STRIP1: variants seen among roughly 807,000 people sequenced by gnomAD.
The protein encoded by STRIP1 is striatin-interacting protein 1.
In STRIP1, 63 loss-of-function variants were observed where a neutral mutation model predicts 106.2. The ratio of observed to expected loss-of-function variants is 0.59; its 90% confidence interval spans 0.48 to 0.73. The LOEUF is 0.73. STRIP1 is among the 30% of genes least tolerant of loss of function. The pLI is 0.00. For missense variants in STRIP1, 857 were observed against 1,074.8 expected, an observed-to-expected ratio of 0.80 and a Z score of 2.83; for synonymous variants, 390 against 413.0, an observed-to-expected ratio of 0.94 and a Z score of 0.67.
intron 15 of STRIP1, among the ~76,000 whole-genome samples, chr1:110,048,694 A>C (rs1353259678): frequency 6.6e-6 from 1 of 152,238 alleles, no homozygotes; most frequent in Non-Finnish European, 1.5e-5. Context: ...GAATTAAGAA[A>C]CCAATGTAAC....
At position 110,034,666 on chromosome 1, in the gene STRIP1, C is replaced by T. The variant is rs1182579516; in HGVS notation, c.29C>T (p.Pro10Leu). 2 of 1,523,494 alleles carry T rather than the reference C, an allele frequency of 1.3e-6. No homozygotes were observed. The allele number at this position is 1,523,494 out of a possible 1,614,324, so 94.4% of individuals were successfully genotyped here. Residue 10 changes from proline to leucine, a missense_variant, in exon 1 of 21, where the codon CCA becomes CTA. By Grantham distance (98) the Pro-to-Leu change is moderately conservative. Coordinates refer to ENST00000369795, the MANE Select transcript of STRIP1 (RefSeq NM_033088.4). ...GAGCCGGCAGTCGGCGGTCCGGGCC[C>T]ACTGATCGTGAACAACAAACAGCCC... MEPAVGGPG[P>L]LIVNNKQPQP...
chr1:110,051,790 C>G lies in STRIP1; in HGVS notation c.2169C>G (p.Tyr723Ter). The G allele has an allele frequency of 6.2e-7, 1 of 1,613,896 alleles. No individual in the cohort carries two copies. Among genetic ancestry groups the G allele is most frequent in the East Asian group, 2.2e-5 (1 of 44,880 alleles). The change falls in exon 20 of 21, where the codon TAC (tyrosine) becomes TAG (stop). Residue 723 changes from tyrosine (Y) to a stop codon, truncating the protein, a stop_gained. Transcript: ENST00000369795. LOFTEE classifies it high-confidence loss of function. ...VLKLLKVQTK[Y>*]LGRQWRKSNM... The stretch of plus-strand genomic sequence containing the variant: ...AGCTGCTCAAGGTACAGACCAAATA[C>G]TTGGGGCGGCAGTGGCGAAAGAGCA...
Position 110,050,366 on chromosome 1 carries a change from A to G in STRIP1, c.1913A>G (p.His638Arg). The G allele has an allele frequency of 1.2e-6, 2 of 1,614,056 alleles. No individual in the cohort carries two copies. The highest frequency in any genetic ancestry group is 1.7e-6 in the Non-Finnish European group (2 of 1,179,988). ...AGCATTTCTGTCCTGGATTACCCTC[A>G]CTGCGTGGTGCATGAGCTGCCAGAG... ...KNSISVLDYP[H>R]CVVHELPELT... Residue 638 changes from histidine to arginine, a missense_variant, in exon 18 of 21, where the codon CAC becomes CGC. Transcript: ENST00000369795.
At chr1:110,041,709 C>A in intron 7 of STRIP1, 25 bp from the exon 8 acceptor site, 1 of 1,614,094 alleles carries the variant, frequency 6.2e-7, no homozygotes, top group South Asian at 1.1e-5. Context: ...TTGGGAGGGT[C>A]CTGATACCTT....
At position 110,045,169 on chromosome 1, in the gene STRIP1, T is replaced by C. The variant is rs1211812559; in HGVS notation, c.1416+91T>C. The C allele has an allele frequency of 2.5e-6, 3 of 1,214,100 alleles. No homozygotes were observed. In the African/African-American group the frequency reaches 4.5e-5, roughly 18 times the overall value. 75.2% of individuals were successfully genotyped at this position (1,214,100 alleles called of 1,614,324 possible). ...AGGGAGAAGCCTTTTAAGACTGTTG[T>C]CTGCCTGCAAGAACCTGGGGTAGAG... On this transcript the variant is annotated intron_variant, in intron 12 of 20. Coordinates refer to ENST00000369795, the MANE Select transcript of STRIP1 (RefSeq NM_033088.4).
intron 1 of STRIP1, among the ~76,000 whole-genome samples, chr1:110,037,297 G>A (rs1211287055): frequency 1.3e-5 from 2 of 152,214 alleles, no homozygotes; most frequent in Non-Finnish European, 2.9e-5. Context: ...GCAGGAAAAA[G>A]ATTGTCTTTG....
At position 110,041,577 on chromosome 1, in the gene STRIP1, A is replaced by G; in HGVS notation, c.692A>G (p.His231Arg). The change falls in exon 7 of 21, where the codon CAT becomes CGT. Residue 231 changes from histidine (H) to arginine (R), a missense_variant. By Grantham distance (29) the His-to-Arg change is conservative (BLOSUM62 0). Around this residue, in one of 2 missense-constraint regions of STRIP1, gnomAD observed 750 missense variants for 989.8 expected, o/e 0.76. Transcript: ENST00000369795. ...NIMYLIVETV[H>R]QECEGDKAEW... ...ATGTACCTGATAGTGGAGACCGTTCATCAGGAGTGTGAGGGTGACAAGGCT... is the reference window on the plus strand; with the variant it reads ...ATGTACCTGATAGTGGAGACCGTTCGTCAGGAGTGTGAGGGTGACAAGGCT... 1.2e-6 allele frequency: 2 copies of G among 1,614,100 alleles called. No individual in the cohort carries two copies. The highest frequency in any genetic ancestry group is 2.7e-5 in the African/African-American group (2 of 75,016).
In STRIP1 at chr1:110,053,754, G is replaced by C. The variant is rs1425397610; in HGVS notation, c.2356G>C (p.Ala786Pro). Reference sequence around the variant, plus strand: ...CTTCAACGCCCGGCGCTATGACCGGGCCCACAGCAACCCTGACTTCCTGCC... The same window carrying C: ...CTTCAACGCCCGGCGCTATGACCGGCCCCACAGCAACCCTGACTTCCTGCC... Reference protein sequence around the residue: ...ERFNARRYDRAHSNPDFLPVD... With the variant: ...ERFNARRYDRPHSNPDFLPVD... Residue 786 changes from alanine (A) to proline (P), a missense_variant, in exon 21 of 21, where the codon GCC becomes CCC. By Grantham distance (27) the Ala-to-Pro change is conservative (BLOSUM62 -1). Around this residue, in one of 2 missense-constraint regions of STRIP1, gnomAD observed 750 missense variants for 989.8 expected, o/e 0.76. Transcript: ENST00000369795. 2 of 1,614,130 alleles carry C rather than the reference G, an allele frequency of 1.2e-6. No individual in the cohort carries two copies. The highest frequency in any genetic ancestry group is 1.7e-6 in the Non-Finnish European group (2 of 1,180,040).
chr1:110,049,912 C>G, intron 17 of STRIP1: 1 of 318,002 alleles, frequency 3.1e-6, no homozygotes, highest in South Asian at 4.5e-5. Context: ...TTGTAATGCC[C>G]TATCTGCTGA....
chr1:110,051,592 A>G, intron 19 of STRIP1, 91 bp from the exon 20 acceptor site: 5 of 1,296,852 alleles, frequency 3.9e-6, no homozygotes, highest in Non-Finnish European at 5.4e-6. Flanking sequence ...CCCTGACAGT[A>G]ACTTCCAAAG....
upstream of STRIP1, among the ~76,000 whole-genome samples, chr1:110,034,045 C>A (rs1014540899): frequency 6.6e-6 from 1 of 152,346 alleles, no homozygotes; most frequent in Admixed American, 6.5e-5. Context: ...ATAAAGTCTG[C>A]CTTACCATCT....
In STRIP1 at chr1:110,047,777, C is replaced by T. The variant is rs1172517204; in HGVS notation, c.1569C>T (p.Ala523=). The stretch of plus-strand genomic sequence containing the variant: ...GAATGGTCTACTCTTCCCAGATTGC[C>T]CTCCTGAAGATCCTGTTGGCTGCAG... ...LLPSLPQYMI[A]LLKILLAAAP... The change falls in exon 15 of 21, where the codon GCC becomes GCT. Residue 523 remains alanine (A), a synonymous_variant. Transcript: ENST00000369795. The T allele has an allele frequency of 1.9e-6, 3 of 1,567,536 alleles. No homozygotes were observed. Among genetic ancestry groups the T allele is most frequent in the Non-Finnish European group, 2.6e-6 (3 of 1,155,072 alleles).
intron 1 of STRIP1, among the ~76,000 whole-genome samples, chr1:110,036,368 G>T (rs887420031): frequency 6.6e-6 from 1 of 152,132 alleles, no homozygotes; most frequent in Non-Finnish European, 1.5e-5. Context: ...CAGGAGAATT[G>T]CTTGAACCTG....
intron 12 of STRIP1, chr1:110,045,399 C>T (rs1026103520): frequency 3.2e-6 from 1 of 309,108 alleles, no homozygotes; most frequent in Non-Finnish European, 6.1e-6. Flanking sequence ...ATTGTTTGAG[C>T]ACAGGAGATC....
intron 12 of STRIP1, 111 bp from the exon 13 acceptor site, chr1:110,046,569 T>A: frequency 1.1e-6 from 1 of 924,864 alleles, no homozygotes; most frequent in Admixed American, 1.8e-5. Flanking sequence ...GACTTAATCC[T>A]CTTTCAGAAG....
At chr1:110,034,473 A>G, upstream of STRIP1, 1 of 694,862 alleles carries the variant, frequency 1.4e-6, no homozygotes, top group Non-Finnish European at 2.2e-6. Context: ...CAACAAGGGA[A>G]GGACTGCAGA....
At chr1:110,043,386 A>G (rs1652867660) in intron 9 of STRIP1, 116 bp downstream of exon 9, 1 of 1,132,118 alleles carries the variant, frequency 8.8e-7, no homozygotes, top group Non-Finnish European at 1.3e-6. Flanking sequence ...GCCAGTCAGA[A>G]TCATGCCTCC....
At chr1:110,032,747 A>G (rs748102453), upstream of STRIP1, among the ~76,000 whole-genome samples, 3 of 152,104 alleles carry the variant, frequency 2.0e-5, no homozygotes, top group Non-Finnish European at 4.4e-5. Flanking sequence ...CAATATAGAA[A>G]TATCAACCCA....
chr1:110,039,364 G>A, intron 4 of STRIP1, 31 bp from the exon 5 acceptor site: 1 of 1,614,038 alleles, frequency 6.2e-7, no homozygotes. Context: ...GATGCAGGGA[G>A]GGGCTCAGTG....
Sources: gnomAD v4.1 joint callset for allele counts (sites outside exome capture counted in the v4.1 genomes callset) on GRCh38, gnomAD v4.1.1 for gene constraint, gnomAD v4.1.1 regional missense constraint, MANE v1.5 for transcripts, NCBI Gene and HGNC (gene_info 2026-07-23, HGNC 2026-07-21) for gene names.